CENPP: variants seen among roughly 807,000 people sequenced by gnomAD.
The protein encoded by CENPP is centromere protein P.
A neutral mutation model predicts 35.6 loss-of-function variants in CENPP; 24 were observed. The observed-to-expected ratio is 0.67, with a 90% CI of 0.49 to 0.95. CENPP has a LOEUF of 0.95. Ranked by LOEUF, CENPP falls within the 40% of genes least tolerant of loss-of-function variation. The pLI is 0.00. For synonymous variants in CENPP, 120 were observed against 125.5 expected (o/e 0.96, Z 0.29); for missense variants, 332 against 345.3 (o/e 0.96, Z 0.31).
chr9:92,413,542 T>G (rs553861925), intron 5 of CENPP, among the ~76,000 whole-genome samples: 1 of 152,330 alleles, frequency 6.6e-6, no homozygotes, highest in South Asian at 2.1e-4. Flanking sequence ...AAAACACCTA[T>G]AGTATTTTCC....
chr9:92,611,461 C>T, intron 6 of CENPP, 68 bp downstream of exon 6: 1 of 1,256,518 alleles, frequency 8.0e-7, no homozygotes, highest in East Asian at 2.3e-5. Flanking sequence ...AGGAGACCAC[C>T]TAAGTAGGAT....
At chr9:92,365,956 G>A (rs1270978183) in intron 4 of CENPP, among the ~76,000 whole-genome samples, 1 of 151,368 alleles carries the variant, frequency 6.6e-6, no homozygotes, top group Non-Finnish European at 1.5e-5. Flanking sequence ...CAAGGCGGGC[G>A]GATCACGAGG....
chr9:92,401,926 T>G (rs1162823860), intron 5 of CENPP, among the ~76,000 whole-genome samples: 1 of 152,194 alleles, frequency 6.6e-6, no homozygotes, highest in Non-Finnish European at 1.5e-5. Flanking sequence ...CTCCTGACTC[T>G]GCCCTTCACC....
At chr9:92,499,593 G>A (rs756853635) in intron 5 of CENPP, among the ~76,000 whole-genome samples, 31 of 152,148 alleles carry the variant, frequency 2.0e-4, no homozygotes, top group Non-Finnish European at 3.5e-4. Flanking sequence ...AACATTAGAC[G>A]CCTTCTGATG....
chr9:92,539,258 T>C (rs1359814146), intron 5 of CENPP: 2 of 152,168 alleles, frequency 1.3e-5, no homozygotes, highest in Non-Finnish European at 2.9e-5. Context: ...AAACCTCTTT[T>C]TACCAGCCCG....
At chr9:92,550,243 A>G (rs1849559889) in intron 5 of CENPP, among the ~76,000 whole-genome samples, 1 of 152,104 alleles carries the variant, frequency 6.6e-6, no homozygotes, top group Non-Finnish European at 1.5e-5. Context: ...TAAAATACAC[A>G]AAATTAGCTG....
chr9:92,560,192 A>G lies in CENPP; in HGVS notation c.565-51122A>G, dbSNP rs78163159. 1.1e-4 allele frequency among the ~76,000 whole-genome samples: 17 copies of G among 152,362 alleles called. No individual in the cohort carries two copies. In the East Asian group the frequency reaches 2.7e-3, roughly 24 times the overall value. Reference sequence around the variant, plus strand: ...AGAAAACAGAAAAACGTAATCCGTCATAGTCTAGTTTGGAAGAAACAAAAA... The same window carrying G: ...AGAAAACAGAAAAACGTAATCCGTCGTAGTCTAGTTTGGAAGAAACAAAAA... On this transcript the variant is annotated intron_variant, in intron 5 of 7. Transcript: ENST00000375587.
At chr9:92,557,524 TC>T (rs1442716832) in intron 5 of CENPP, among the ~76,000 whole-genome samples, 1 of 152,234 alleles carries the variant, frequency 6.6e-6, no homozygotes, top group Non-Finnish European at 1.5e-5. Context: ...ATTTTCTTAT[TC>T]TTTTTTCTCT....
chr9:92,525,832 C>T (rs980024917), intron 5 of CENPP, among the ~76,000 whole-genome samples: 9 of 142,274 alleles, frequency 6.3e-5, no homozygotes, highest in Non-Finnish European at 1.3e-4. Context: ...GGAGGTTGCA[C>T]TGAGTAGCTA....
At chr9:92,466,244 C>A (rs531268036) in intron 5 of CENPP, 1 of 725,738 alleles carries the variant, frequency 1.4e-6, no homozygotes, top group East Asian at 2.7e-5. Context: ...CTTATCTAGG[C>A]AAAGATTATT....
At chr9:92,609,898 G>A (rs1388698956) in intron 5 of CENPP, among the ~76,000 whole-genome samples, 2 of 151,902 alleles carry the variant, frequency 1.3e-5, no homozygotes, top group African/African-American at 2.4e-5. Flanking sequence ...CCACCACCAC[G>A]CCCAGCTAAT....
At chr9:92,504,061 G>A (rs1846846814) in intron 5 of CENPP, among the ~76,000 whole-genome samples, 1 of 152,250 alleles carries the variant, frequency 6.6e-6, no homozygotes. Context: ...CAGGCTCACA[G>A]TGGGGCAGAT....
intron 5 of CENPP, chr9:92,515,102 GT>G: frequency 6.2e-7 from 1 of 1,614,024 alleles, no homozygotes; most frequent in Non-Finnish European, 8.5e-7. Flanking sequence ...GGAGGTGGCA[GT>G]TGCTTATGAA....
intron 4 of CENPP, among the ~76,000 whole-genome samples, chr9:92,374,515 C>G (rs1201404361): frequency 6.6e-6 from 1 of 152,082 alleles, no homozygotes; most frequent in East Asian, 1.9e-4. Flanking sequence ...CAGGTAATAT[C>G]TTAAACTTAT....
At chr9:92,526,599 A>G (rs529113963) in intron 5 of CENPP, among the ~76,000 whole-genome samples, 2 of 152,102 alleles carry the variant, frequency 1.3e-5, no homozygotes, top group East Asian at 1.9e-4. Flanking sequence ...AAACCAAAAA[A>G]ACTATAGAAA....
chr9:92,573,500 G>C (rs1423256388), intron 5 of CENPP, among the ~76,000 whole-genome samples: 4 of 152,224 alleles, frequency 2.6e-5, no homozygotes, highest in Non-Finnish European at 5.9e-5. Context: ...TGAGGTGTCA[G>C]TCGGCCCCTA....
chr9:92,362,938 G>A (rs555236645), intron 4 of CENPP, among the ~76,000 whole-genome samples: 13 of 152,036 alleles, frequency 8.6e-5, no homozygotes, highest in African/African-American at 2.9e-4. Context: ...AAAGTGTCCC[G>A]GATTTGATCA....
chr9:92,583,349 A>G (rs920574375), intron 5 of CENPP, among the ~76,000 whole-genome samples: 1 of 152,218 alleles, frequency 6.6e-6, no homozygotes, highest in African/African-American at 2.4e-5. Flanking sequence ...ATTTATCTTT[A>G]CTTCCTGAAG....
At chr9:92,474,889 C>T (rs373082643) in intron 5 of CENPP, 4 of 1,612,476 alleles carry the variant, frequency 2.5e-6, no homozygotes, top group African/African-American at 1.3e-5. Context: ...GGAGCACATA[C>T]TCCTTCATGG....
Sources: allele counts gnomAD v4.1 joint callset (sites outside exome capture counted in the v4.1 genomes callset), GRCh38; gene constraint gnomAD v4.1.1; transcripts MANE v1.5; gene names NCBI Gene and HGNC (gene_info 2026-07-23, HGNC 2026-07-21).